Variants in SPINK5 observed in about 807,000 individuals in gnomAD.
SPINK5 encodes the protein serine protease inhibitor Kazal-type 5.
In SPINK5, 125 loss-of-function variants were observed where a neutral mutation model predicts 151.8. That is an observed-to-expected ratio of 0.82 (90% CI 0.71 to 0.96). The LOEUF is 0.96. Among genes scored for constraint, SPINK5 ranks in the 40% least tolerant of loss-of-function variants. The probability of loss-of-function intolerance (pLI) is 0.00; values close to 1 mark genes in which losing one functional copy is unlikely to be tolerated. For missense variants in SPINK5, 1,194 were observed against 1,291.9 expected, an observed-to-expected ratio of 0.92 and a Z score of 1.16; for synonymous variants, 374 against 395.3, an observed-to-expected ratio of 0.95 and a Z score of 0.64.
intron 15 of SPINK5, among the ~76,000 whole-genome samples, chr5:148,102,251 AT>A (rs1007603692): frequency 1.2e-4 from 19 of 152,266 alleles, no homozygotes; most frequent in Non-Finnish European, 2.9e-5. Flanking sequence ...GAATGAGGAA[AT>A]GTTAATCAAA....
chr5:148,112,958 T>G, intron 20 of SPINK5, 24 bp downstream of exon 20: 1 of 1,613,014 alleles, frequency 6.2e-7, no homozygotes, highest in Non-Finnish European at 8.5e-7. Flanking sequence ...ATGTTTATAC[T>G]GCAATGAAAG....
chr5:148,114,354 C>T lies in SPINK5; in HGVS notation c.1888-8C>T, dbSNP rs1561697535. The T allele has an allele frequency of 6.2e-7, 1 of 1,601,918 alleles. No homozygotes were observed. Among genetic ancestry groups the T allele is most frequent in the Middle Eastern group, 1.7e-4 (1 of 5,976 alleles). Reference sequence around the variant, plus strand: ...TACTCAAGCTTTCTCCTTTTCTTTTCCTTTTAGGAGACATGCGATGAATTT... The same window carrying T: ...TACTCAAGCTTTCTCCTTTTCTTTTTCTTTTAGGAGACATGCGATGAATTT... On this transcript the variant is annotated splice_region_variant and splice_polypyrimidine_tract_variant and intron_variant, in intron 20 of 32. Coordinates refer to ENST00000256084, the MANE Select transcript of SPINK5 (RefSeq NM_006846.4).
intron 19 of SPINK5, among the ~76,000 whole-genome samples, 163 bp downstream of exon 19, chr5:148,112,058 T>G (rs1057102360): frequency 3.3e-5 from 5 of 152,198 alleles, no homozygotes; most frequent in African/African-American, 1.2e-4. Flanking sequence ...ATTCAGCCCA[T>G]TTATTTCTGG....
chr5:148,102,160 G>A (rs1484308117), intron 15 of SPINK5, among the ~76,000 whole-genome samples: 1 of 151,944 alleles, frequency 6.6e-6, no homozygotes, highest in Non-Finnish European at 1.5e-5. Context: ...TCTTATATGT[G>A]GGATCTAAAA....
At chr5:148,096,438 T>C (rs1311183704) in intron 10 of SPINK5, among the ~76,000 whole-genome samples, 2 of 152,152 alleles carry the variant, frequency 1.3e-5, no homozygotes, top group East Asian at 3.9e-4. Flanking sequence ...TTGGTCTCCA[T>C]CTTTCTCAAT....
At chr5:148,102,479 C>T (rs2113124646) in intron 15 of SPINK5, among the ~76,000 whole-genome samples, 1 of 152,198 alleles carries the variant, frequency 6.6e-6, no homozygotes, top group African/African-American at 2.4e-5. Flanking sequence ...CCAAACATCA[C>T]ACTGAATTCA....
At position 148,091,255 on chromosome 5, in the gene SPINK5, G is replaced by C. The variant is rs201778028; in HGVS notation, c.666+27G>C. Reference sequence around the variant, plus strand: ...TAAAATGACTCACCAACGCAATTTTGTTCTTGTGGCCATATTTATTAACAA... The same window carrying C: ...TAAAATGACTCACCAACGCAATTTTCTTCTTGTGGCCATATTTATTAACAA... On this transcript the variant is annotated intron_variant, in intron 8 of 32. Transcript: ENST00000256084. 3 of 1,604,190 alleles carry C rather than the reference G, an allele frequency of 1.9e-6. No individual in the cohort carries two copies. The South Asian group carries it at 3.3e-5, about 18-fold the overall frequency.
chr5:148,132,384 A>G (rs193018488), intron 31 of SPINK5, among the ~76,000 whole-genome samples: 17 of 152,146 alleles, frequency 1.1e-4, no homozygotes, highest in African/African-American at 3.6e-4. Flanking sequence ...TTAATCCTGG[A>G]AAAATATTTA....
At chr5:148,121,143 CAAAAAA>C (rs767012594) in intron 26 of SPINK5, among the ~76,000 whole-genome samples, 34 of 68,664 alleles carry the variant, frequency 5.0e-4, no homozygotes, top group African/African-American at 1.9e-3. Flanking sequence ...GACTCTGTCT[CAAAAAA>C]AAAAAAAAAA....
rs1447273208 is a variant in SPINK5, at chr5:148,137,132, C to T, written c.*141C>T. 1 of 1,115,958 alleles carries T rather than the reference C, an allele frequency of 9.0e-7. No individual in the cohort carries two copies. The highest frequency in any genetic ancestry group is 1.8e-5 in the Admixed American group (1 of 56,044). The allele number at this position is 1,115,958 out of a possible 1,614,324, so 69.1% of individuals were successfully genotyped here. ...ACAATACAGAGCTTTTGGGAATGGA[C>T]TCACTGATTTTCAGTCTTTTCCATC... On this transcript the variant is annotated 3_prime_UTR_variant, in exon 33 of 33. Coordinates refer to ENST00000256084, the MANE Select transcript of SPINK5 (RefSeq NM_006846.4).
intron 8 of SPINK5, 50 bp downstream of exon 8, chr5:148,091,278 C>CCT (rs1416169146): frequency 1.4e-6 from 2 of 1,443,290 alleles, no homozygotes; most frequent in Non-Finnish European, 1.9e-6. Flanking sequence ...TATTTATTAA[C>CCT]AAATGTATGC....
At chr5:148,128,466 T>C (rs976332073) in intron 30 of SPINK5, among the ~76,000 whole-genome samples, 3 of 152,186 alleles carry the variant, frequency 2.0e-5, no homozygotes, top group Non-Finnish European at 4.4e-5. Flanking sequence ...AGTCCTTTTG[T>C]CAGTCTACAA....
chr5:148,118,415 C>G, intron 22 of SPINK5, 22 bp from the exon 23 acceptor site: 1 of 1,613,948 alleles, frequency 6.2e-7, no homozygotes, highest in Non-Finnish European at 8.5e-7. Flanking sequence ...TCCAGGGGCT[C>G]TTCGTTCTTC....
chr5:148,068,335 A>G (rs1047834015), intron 2 of SPINK5, among the ~76,000 whole-genome samples: 2 of 152,114 alleles, frequency 1.3e-5, no homozygotes, highest in African/African-American at 4.8e-5. Flanking sequence ...TGCAAGTGCT[A>G]CCAACTGCCT....
intron 16 of SPINK5, among the ~76,000 whole-genome samples, chr5:148,106,638 A>ATATAT (rs1753789077): frequency 6.6e-6 from 1 of 152,054 alleles, no homozygotes; most frequent in African/African-American, 2.4e-5. Flanking sequence ...CTTGGACAAA[A>ATATAT]TATATATTTA....
Position 148,127,089 on chromosome 5 carries a change from A to G in SPINK5, c.2964+10A>G. The G allele has an allele frequency of 1.2e-6, 2 of 1,604,630 alleles. No homozygotes were observed. The highest frequency in any genetic ancestry group is 1.7e-6 in the Non-Finnish European group (2 of 1,172,744). ...CTCTTTCAGTTCTCTGGTAAGGAGGACTATTTCTGAAAAGCTACTTATCAA... is the reference window on the plus strand; with the variant it reads ...CTCTTTCAGTTCTCTGGTAAGGAGGGCTATTTCTGAAAAGCTACTTATCAA... On this transcript the variant is annotated intron_variant, in intron 30 of 32. Coordinates refer to ENST00000256084, the MANE Select transcript of SPINK5 (RefSeq NM_006846.4).
In SPINK5 at chr5:148,111,947, C is replaced by G. The variant is rs375833259; in HGVS notation, c.1820+52C>G. ...ACTGAGTGTGGGAGAAGATCAGCAT[C>G]GGGTGGGCAAGAGGGGTGACATTGG... On this transcript the variant is annotated intron_variant, in intron 19 of 32. Transcript: ENST00000256084. 28 of 1,613,142 alleles carry G rather than the reference C, an allele frequency of 1.7e-5. No homozygotes were observed. In the African/African-American group the frequency reaches 3.1e-4, roughly 18 times the overall value.
At chr5:148,128,803 G>C (rs1032934352) in intron 30 of SPINK5, among the ~76,000 whole-genome samples, 1 of 152,184 alleles carries the variant, frequency 6.6e-6, no homozygotes, top group African/African-American at 2.4e-5. Context: ...GATTATAGGC[G>C]TGAGCCACCG....
chr5:148,116,494 TGGGGCGGGCTC>T (rs1283660781), intron 22 of SPINK5, 28 bp downstream of exon 22: 1 of 1,609,208 alleles, frequency 6.2e-7, no homozygotes, highest in Non-Finnish European at 8.5e-7. Flanking sequence ...TTTCAGTAAC[TGGGGCGGGCTC>T]AACTCCTTGA....
Sources: allele counts gnomAD v4.1 joint callset (sites outside exome capture counted in the v4.1 genomes callset), GRCh38; gene constraint gnomAD v4.1.1; transcripts MANE v1.5; gene names NCBI Gene and HGNC (gene_info 2026-07-23, HGNC 2026-07-21).